FRMD4A: variants seen among roughly 807,000 people sequenced by gnomAD.
FRMD4A encodes the protein FERM domain containing 4A, also known as FERM domain-containing protein 4A.
Under a neutral mutation model 129.1 loss-of-function variants are expected in FRMD4A, and 29 were observed. The ratio of observed to expected loss-of-function variants is 0.22; its 90% CI spans 0.17 to 0.31. FRMD4A has a LOEUF of 0.31. FRMD4A is among the 10% of genes least tolerant of loss of function. The pLI, the probability that FRMD4A is intolerant of heterozygous loss-of-function variation, is 1.00. For missense variants in FRMD4A, 1,272 were observed against 1,375.8 expected, an observed-to-expected ratio of 0.92 and a Z score of 1.19; for synonymous variants, 634 against 571.6, an observed-to-expected ratio of 1.11 and a Z score of -1.56.
intron 2 of FRMD4A, among the ~76,000 whole-genome samples, chr10:14,073,705 TC>T (rs575629180): frequency 1.6e-3 from 251 of 152,214 alleles, no homozygotes; most frequent in Non-Finnish European, 2.9e-3. Context: ...CATGGGTTTT[TC>T]ACCACCACCG....
chr10:13,657,732 T>G (rs533188177), intron 21 of FRMD4A, among the ~76,000 whole-genome samples: 12 of 151,400 alleles, frequency 7.9e-5, no homozygotes, highest in Non-Finnish European at 1.2e-4. Flanking sequence ...TCCACCATGA[T>G]TCCCAGTGGG....
chr10:13,874,645 G>A (rs768936561), intron 2 of FRMD4A, among the ~76,000 whole-genome samples: 17 of 152,266 alleles, frequency 1.1e-4, no homozygotes, highest in Middle Eastern at 3.4e-3. Context: ...AACTTAATTA[G>A]AAGACCACTA....
chr10:13,957,502 G>A (rs375623294), intron 2 of FRMD4A, among the ~76,000 whole-genome samples: 3 of 152,184 alleles, frequency 2.0e-5, no homozygotes, highest in East Asian at 1.9e-4. Flanking sequence ...TGATCCACCC[G>A]CCTCAGCCTC....
chr10:13,756,467 T>A (rs939896149), intron 8 of FRMD4A, among the ~76,000 whole-genome samples: 3 of 152,208 alleles, frequency 2.0e-5, no homozygotes, highest in Admixed American at 6.6e-5. Context: ...GATCAAGCAA[T>A]CCTCCCACCT....
intron 2 of FRMD4A, among the ~76,000 whole-genome samples, chr10:14,209,011 C>T (rs368580229): frequency 2.0e-5 from 3 of 152,230 alleles, no homozygotes; most frequent in Admixed American, 6.5e-5. Context: ...AGAGGTCAGG[C>T]ACTGTATACC....
At position 14,093,295 on chromosome 10, in the gene FRMD4A, G is replaced by A. The variant is rs12146215; in HGVS notation, c.46-234383C>T. ...ACATAAATAAACTAATTGGAAGTGT[G>A]TGCACTAAGATTTTAGTGTCTTTTA... On this transcript the variant is annotated intron_variant, in intron 2 of 24. Coordinates refer to ENST00000357447, the MANE Select transcript of FRMD4A (RefSeq NM_018027.5). Among the ~76,000 whole-genome samples the A allele has an allele frequency of 9.0e-3, 1,368 of 152,326 alleles. 11 individuals are homozygous for A. The highest frequency in any genetic ancestry group is 0.012 in the Non-Finnish European group (825 of 68,018).
chr10:13,953,157 G>A (rs907559251), intron 2 of FRMD4A, among the ~76,000 whole-genome samples: 7 of 152,150 alleles, frequency 4.6e-5, no homozygotes, highest in Non-Finnish European at 7.4e-5. Flanking sequence ...TGATAATGCC[G>A]TTTTCCTCCC....
At chr10:13,688,314 T>C (rs1303198430) in intron 15 of FRMD4A, among the ~76,000 whole-genome samples, 1 of 151,994 alleles carries the variant, frequency 6.6e-6, no homozygotes, top group African/African-American at 2.4e-5. Context: ...AAACACCGCA[T>C]GTTCTCACTC....
At chr10:14,306,426 G>A (rs1846354225) in intron 2 of FRMD4A, among the ~76,000 whole-genome samples, 1 of 152,190 alleles carries the variant, frequency 6.6e-6, no homozygotes, top group Non-Finnish European at 1.5e-5. Context: ...GCCAGAAATA[G>A]TAACCAGATA....
rs376535082 is a variant in FRMD4A at position 13,878,056 on chromosome 10, G to A, written c.46-19144C>T. Among the ~76,000 whole-genome samples, 50 of 152,086 alleles carry A rather than the reference G, an allele frequency of 3.3e-4. No homozygotes were observed. In the East Asian group the frequency reaches 5.4e-3, roughly 16 times the overall value. On this transcript the variant is annotated intron_variant, in intron 2 of 24. Transcript: ENST00000357447. ...TAGCACCTTACAGTGCAATGGCCCC[G>A]GCAAACGAGAGTCTAAATATATCCA... is the stretch of plus-strand genomic sequence containing the variant.
chr10:14,305,814 G>A lies in FRMD4A; in HGVS notation c.45+24244C>T, dbSNP rs577866433. The stretch of plus-strand genomic sequence containing the variant: ...TGCTGCCATAAAAAAGAAAGAGATC[G>A]TATCCTTTGCGAGGACATGGATGGA... On this transcript the variant is annotated intron_variant, in intron 2 of 24. Coordinates refer to ENST00000357447, the MANE Select transcript of FRMD4A (RefSeq NM_018027.5). Among the ~76,000 whole-genome samples, 3 of 152,236 alleles carry A rather than the reference G, an allele frequency of 2.0e-5. No individual in the cohort carries two copies. In the East Asian group the frequency reaches 5.8e-4, roughly 29 times the overall value.
chr10:13,762,738 T>C, intron 6 of FRMD4A, 58 bp from the exon 7 acceptor site: 2 of 1,113,608 alleles, frequency 1.8e-6, no homozygotes, highest in South Asian at 1.3e-5. Flanking sequence ...CATTTTTTTC[T>C]TTTATTTTAA....
Position 14,168,405 on chromosome 10 carries a change from A to G in FRMD4A, c.45+161653T>C, listed in dbSNP as rs567417342. ...TGCTGAATCCACAGTCTCTTCTTCT[A>G]AACAATTCACCTGTCAAAATTATTT... On this transcript the variant is annotated intron_variant, in intron 2 of 24. Transcript: ENST00000357447. Among the ~76,000 whole-genome samples, 24 of 152,348 alleles carry G rather than the reference A, an allele frequency of 1.6e-4. No individual in the cohort carries two copies. In the South Asian group the frequency reaches 4.6e-3, roughly 29 times the overall value.
chr10:14,199,235 C>T (rs1193075045), intron 2 of FRMD4A, among the ~76,000 whole-genome samples: 2 of 151,250 alleles, frequency 1.3e-5, no homozygotes, highest in Non-Finnish European at 3.0e-5. Flanking sequence ...GTAACTTATT[C>T]TTTATCATTT....
intron 2 of FRMD4A, among the ~76,000 whole-genome samples, chr10:13,988,853 G>A (rs1420676426): frequency 2.6e-5 from 4 of 152,160 alleles, no homozygotes; most frequent in Admixed American, 1.3e-4. Context: ...GAGCATGGAC[G>A]TCAGAGAGGA....
At chr10:13,884,212 A>ACACACACT (rs1554956586) in intron 2 of FRMD4A, among the ~76,000 whole-genome samples, 14,050 of 82,862 alleles carry the variant, frequency 0.17, 1,728 homozygotes, top group Middle Eastern at 0.27. Context: ...ACACACTCAC[A>ACACACACT]CACACACACA....
intron 4 of FRMD4A, among the ~76,000 whole-genome samples, chr10:13,802,613 G>C (rs75497299): frequency 0.012 from 1,852 of 151,082 alleles, 94 homozygotes; most frequent in East Asian, 0.12. Context: ...CATTGCACTT[G>C]GGTAATTAAA....
chr10:13,669,057 GTTTTTTTTT>G (rs56706198), intron 17 of FRMD4A, among the ~76,000 whole-genome samples: 110 of 97,442 alleles, frequency 1.1e-3, no homozygotes, highest in African/African-American at 2.8e-3. Context: ...CTGAGCTTTA[GTTTTTTTTT>G]TTTTTTTTTT....
At chr10:14,141,202 G>A (rs1350399971) in intron 2 of FRMD4A, among the ~76,000 whole-genome samples, 1 of 152,154 alleles carries the variant, frequency 6.6e-6, no homozygotes. Context: ...AAGGGCCTTC[G>A]AAGTCTCCAC....
Sources: gnomAD v4.1 joint callset for allele counts (sites outside exome capture counted in the v4.1 genomes callset) on GRCh38, gnomAD v4.1.1 for gene constraint, MANE v1.5 for transcripts, NCBI Gene and HGNC (gene_info 2026-07-23, HGNC 2026-07-21) for gene names.